Variants in LRRC7 observed in about 807,000 individuals in gnomAD.
LRRC7 encodes the protein leucine-rich repeat-containing protein 7.
LRRC7 carries 23 observed loss-of-function variants against 175.7 expected under a neutral mutation model. The ratio of observed to expected loss-of-function variants is 0.13; its 90% CI spans 0.09 to 0.19. The LOEUF (loss-of-function observed/expected upper bound fraction) is 0.19, where lower values mean the gene tolerates loss of function less well. LRRC7 is among the 10% of genes least tolerant of loss of function. LRRC7 has a pLI of 1.00. For synonymous variants in LRRC7, 685 were observed against 680.9 expected (o/e 1.01, Z -0.09); for missense variants, 1,354 against 1,904.7 (o/e 0.71, Z 5.38).
At chr1:70,045,109 T>C (rs775721213) in intron 22 of LRRC7, among the ~76,000 whole-genome samples, 1 of 151,996 alleles carries the variant, frequency 6.6e-6, no homozygotes, top group African/African-American at 2.4e-5. Context: ...GTTCATACTG[T>C]GAGTAGAATA....
intron 26 of LRRC7, 54 bp downstream of exon 26, chr1:70,107,880 C>A (rs1479609470): frequency 1.5e-6 from 2 of 1,338,934 alleles, no homozygotes; most frequent in African/African-American, 1.4e-5. Flanking sequence ...AAATATGTAA[C>A]CATGTTACCA....
intron 3 of LRRC7, among the ~76,000 whole-genome samples, chr1:69,764,317 A>G (rs1034646199): frequency 2.0e-5 from 3 of 152,002 alleles, no homozygotes; most frequent in African/African-American, 7.2e-5. Context: ...TTTGAAAAAA[A>G]GCAATAAAGA....
intron 8 of LRRC7, among the ~76,000 whole-genome samples, chr1:69,939,341 A>G (rs1648457484): frequency 6.6e-6 from 1 of 152,010 alleles, no homozygotes; most frequent in Admixed American, 6.6e-5. Flanking sequence ...TGTCTCTGAC[A>G]TGAAGAGGCT....
chr1:69,780,460 G>C (rs190676153), intron 3 of LRRC7, among the ~76,000 whole-genome samples: 3 of 152,126 alleles, frequency 2.0e-5, no homozygotes, highest in Admixed American at 2.0e-4. Flanking sequence ...CTGAACACAA[G>C]CAGTCTAGGG....
At chr1:69,746,026 A>G (rs1249552335) in intron 2 of LRRC7, among the ~76,000 whole-genome samples, 1 of 151,878 alleles carries the variant, frequency 6.6e-6, no homozygotes, top group African/African-American at 2.4e-5. Context: ...CAGTGTACAA[A>G]TACTCATTAG....
rs1480797938 is a variant in LRRC7, at chr1:70,137,703, C to T, written c.*15816C>T. ...ATGCAGACATAGATCAAGTCTCATG[C>T]ATGTCATTTAGACAGACAGCTGAAA... is the stretch of plus-strand genomic sequence containing the variant. On this transcript the variant is annotated 3_prime_UTR_variant, in exon 27 of 27. Transcript: ENST00000651989. Among the ~76,000 whole-genome samples, 1 of 152,248 alleles carries T rather than the reference C, an allele frequency of 6.6e-6. No homozygotes were observed. Among genetic ancestry groups the T allele is most frequent in the Non-Finnish European group, 1.5e-5 (1 of 68,038 alleles).
intron 10 of LRRC7, among the ~76,000 whole-genome samples, chr1:69,987,055 A>G (rs1557960313): frequency 6.6e-6 from 1 of 152,170 alleles, no homozygotes; most frequent in Non-Finnish European, 1.5e-5. Context: ...CAGCCTAGCC[A>G]ATATGGTGAA....
intron 2 of LRRC7, chr1:69,716,170 T>A: frequency 2.2e-6 from 1 of 452,220 alleles, no homozygotes; most frequent in East Asian, 3.5e-5. Flanking sequence ...AAAATGCAAG[T>A]CAAAGTGGTC....
chr1:69,868,281 T>G (rs1293204636), intron 7 of LRRC7, among the ~76,000 whole-genome samples: 10 of 152,104 alleles, frequency 6.6e-5, no homozygotes, highest in Non-Finnish European at 1.5e-5. Context: ...GGAAGGAAAA[T>G]AATTAAACAG....
chr1:69,691,797 C>CAAAAAAAAAA (rs57676937), intron 2 of LRRC7, among the ~76,000 whole-genome samples: 172 of 85,074 alleles, frequency 2.0e-3, no homozygotes, highest in African/African-American at 2.4e-3. Context: ...GACCCTGTCT[C>CAAAAAAAAAA]AAAAAAAAAA....
At chr1:70,067,780 G>C (rs1662088467) in intron 23 of LRRC7, among the ~76,000 whole-genome samples, 2 of 151,802 alleles carry the variant, frequency 1.3e-5, no homozygotes, top group African/African-American at 2.4e-5. Context: ...AATCTTCTTG[G>C]ATATCTTCAT....
In LRRC7 at chr1:69,918,482, A is replaced by AT. The variant is rs200152779; in HGVS notation, c.648-13017dup. 8.8e-4 allele frequency among the ~76,000 whole-genome samples: 134 copies of AT among 152,154 alleles called. 1 individual carries two copies. The highest frequency in any genetic ancestry group is 6.8e-3 in the Middle Eastern group (2 of 294). On this transcript the variant is annotated intron_variant, in intron 7 of 26. Coordinates refer to ENST00000651989, the MANE Select transcript of LRRC7 (RefSeq NM_001370785.2). ...TTACATATGTTCATCTAAAAGGAAC[A>AT]TTTTTTTTGGACAATTTGACAGAAT...
At chr1:70,100,104 T>C (rs923081414) in intron 25 of LRRC7, among the ~76,000 whole-genome samples, 3 of 152,154 alleles carry the variant, frequency 2.0e-5, no homozygotes, top group African/African-American at 4.8e-5. Context: ...ACATGTTTAA[T>C]TGTTAAACAA....
At chr1:69,671,818 G>A (rs1270251160) in intron 1 of LRRC7, among the ~76,000 whole-genome samples, 7 of 152,078 alleles carry the variant, frequency 4.6e-5, no homozygotes, top group Admixed American at 1.3e-4. Flanking sequence ...GTCATGCAAC[G>A]GCTGCATTCA....
At chr1:70,075,138 A>G (rs1662681087) in intron 23 of LRRC7, among the ~76,000 whole-genome samples, 1 of 152,214 alleles carries the variant, frequency 6.6e-6, no homozygotes, top group Non-Finnish European at 1.5e-5. Context: ...ACTAAAATAT[A>G]TGTTTAAAAT....
At chr1:69,899,993 A>G (rs1158688579) in intron 7 of LRRC7, among the ~76,000 whole-genome samples, 2 of 152,240 alleles carry the variant, frequency 1.3e-5, no homozygotes, top group Admixed American at 6.5e-5. Flanking sequence ...CTTTGCTGTA[A>G]TAAAATTTAT....
At chr1:69,650,611 A>C (rs760937182) in intron 1 of LRRC7, among the ~76,000 whole-genome samples, 47 of 151,612 alleles carry the variant, frequency 3.1e-4, no homozygotes, top group Non-Finnish European at 6.2e-4. Context: ...ACATGTAGCA[A>C]ATATTCATTA....
rs552163741 is a variant in LRRC7 at position 69,998,066 on chromosome 1, C to T, written c.1004+3433C>T. ...TTGGTTGATAAGCTATTGATTATTG[C>T]CACCATATAAATTCTTACTGTAACA... On this transcript the variant is annotated intron_variant, in intron 11 of 26. Transcript: ENST00000651989. Among the ~76,000 whole-genome samples the T allele has an allele frequency of 2.0e-5, 3 of 152,212 alleles. No homozygotes were observed. In the South Asian group the frequency reaches 6.2e-4, roughly 32 times the overall value.
At chr1:69,813,055 A>G (rs1276764929) in intron 4 of LRRC7, among the ~76,000 whole-genome samples, 1 of 152,034 alleles carries the variant, frequency 6.6e-6, no homozygotes, top group Non-Finnish European at 1.5e-5. Context: ...CCATTCTCCC[A>G]TTTCCAGAAC....
Sources: gnomAD v4.1 joint callset for allele counts (sites outside exome capture counted in the v4.1 genomes callset) on GRCh38, gnomAD v4.1.1 for gene constraint, MANE v1.5 for transcripts, NCBI Gene and HGNC (gene_info 2026-07-23, HGNC 2026-07-21) for gene names.